CBX3: variants seen among roughly 807,000 people sequenced by gnomAD.
CBX3 encodes chromobox 3, also known as chromobox protein homolog 3.
A neutral mutation model predicts 22.6 loss-of-function variants in CBX3; 5 were observed. The ratio of observed to expected loss-of-function variants is 0.22; its 90% CI spans 0.12 to 0.47. The LOEUF (loss-of-function observed/expected upper bound fraction) is 0.47, where lower values mean the gene tolerates loss of function less well. Ranked by LOEUF, CBX3 falls within the 20% of genes least tolerant of loss-of-function variation. The pLI is 0.99. For missense variants in CBX3, 83 were observed against 208.1 expected, an observed-to-expected ratio of 0.40 and a Z score of 3.70; for synonymous variants, 50 against 66.6, an observed-to-expected ratio of 0.75 and a Z score of 1.21.
In CBX3 at chr7:26,212,582, T is replaced by TGTGTGTG. The variant is rs1554340734; in HGVS notation, c.*374_*375insGTGTGTG. 9 of 109,066 alleles carry TGTGTGTG rather than the reference T, an allele frequency of 8.3e-5. No homozygotes were observed. The highest frequency in any genetic ancestry group is 3.1e-4 in the African/African-American group (9 of 29,108). The allele number at this position is 109,066 out of a possible 1,614,324, so 6.8% of individuals were successfully genotyped here. A position where few individuals can be genotyped will look rare whatever the true frequency, so the allele number is the denominator to read the frequency against. ...CCATTCTAGATTTATTACGTGTTTT[T>TGTGTGTG]TGTGTGTGTGTGTGTGTGTGTGTGT... is the stretch of plus-strand genomic sequence containing the variant. On this transcript the variant is annotated 3_prime_UTR_variant, in exon 6 of 6. Transcript: ENST00000396386.
In CBX3 at chr7:26,212,890, C is replaced by T. The variant is rs1049601389; in HGVS notation, c.*682C>T. The T allele has an allele frequency of 6.6e-6, 1 of 152,280 alleles. No individual in the cohort carries two copies. The highest frequency in any genetic ancestry group is 2.4e-5 in the African/African-American group (1 of 41,468). 9.4% of individuals were successfully genotyped at this position (152,280 alleles called of 1,614,324 possible). A position where few individuals can be genotyped will look rare whatever the true frequency, so the allele number is the denominator to read the frequency against. The stretch of plus-strand genomic sequence containing the variant: ...AGGAAAAATTTTATCACTGCCATCA[C>T]AGCAGGTTTCCTCATCCAGATGAGG... On this transcript the variant is annotated 3_prime_UTR_variant, in exon 6 of 6. Coordinates refer to ENST00000396386, the MANE Select transcript of CBX3 (RefSeq NM_016587.4).
rs1177036941 is a variant in CBX3 at position 26,212,901 on chromosome 7, C to A, written c.*693C>A. 13 of 152,272 alleles carry A rather than the reference C, an allele frequency of 8.5e-5. No individual in the cohort carries two copies. Among genetic ancestry groups the A allele is most frequent in the African/African-American group, 2.9e-4 (12 of 41,464 alleles). The allele number at this position is 152,272 out of a possible 1,614,324, so 9.4% of individuals were successfully genotyped here. A position where few individuals can be genotyped will look rare whatever the true frequency, so the allele number is the denominator to read the frequency against. On this transcript the variant is annotated 3_prime_UTR_variant, in exon 6 of 6. Coordinates refer to ENST00000396386, the MANE Select transcript of CBX3 (RefSeq NM_016587.4). The stretch of plus-strand genomic sequence containing the variant: ...TATCACTGCCATCACAGCAGGTTTC[C>A]TCATCCAGATGAGGAAACTAGACAA...
chr7:26,207,958 TC>T (rs1784717760), intron 3 of CBX3, among the ~76,000 whole-genome samples: 1 of 151,092 alleles, frequency 6.6e-6, no homozygotes, highest in East Asian at 2.0e-4. Context: ...CACCTGTAAT[TC>T]CAGCACTTTG....
At position 26,213,410 on chromosome 7, in the gene CBX3, C is replaced by T. The variant is rs1001313421; in HGVS notation, c.*1202C>T. The T allele has an allele frequency of 4.7e-5, 7 of 150,096 alleles. No individual in the cohort carries two copies. The highest frequency in any genetic ancestry group is 1.5e-4 in the African/African-American group (6 of 40,812). The allele number at this position is 150,096 out of a possible 1,614,324, so 9.3% of individuals were successfully genotyped here. A position where few individuals can be genotyped will look rare whatever the true frequency, so the allele number is the denominator to read the frequency against. On this transcript the variant is annotated 3_prime_UTR_variant, in exon 6 of 6. Coordinates refer to ENST00000396386, the MANE Select transcript of CBX3 (RefSeq NM_016587.4). ...GCCTTTACAGTAGAAATAGAAATGC[C>T]CACACTCATTGGATTATCTTTGTTT...
chr7:26,208,148 G>A (rs1006154455), intron 3 of CBX3: 1 of 287,330 alleles, frequency 3.5e-6, no homozygotes, highest in South Asian at 1.0e-4. Context: ...GCTTGAGTCG[G>A]GAGTTGGAAT....
chr7:26,202,412 C>G (rs996667808), intron 1 of CBX3: 2 of 152,480 alleles, frequency 1.3e-5, no homozygotes, highest in Admixed American at 6.5e-5. Context: ...GGCCTCTGGA[C>G]GCCGGGCTTC....
chr7:26,208,449 C>A lies in CBX3; in HGVS notation c.224C>A (p.Ala75Glu), dbSNP rs776140361. The A allele has an allele frequency of 6.2e-7, 1 of 1,612,962 alleles. No individual in the cohort carries two copies. The highest frequency in any genetic ancestry group is 1.7e-5 in the Admixed American group (1 of 59,974). Residue 75 changes from alanine to glutamate, a missense_variant, in exon 4 of 6, where the codon GCG becomes GAG. By Grantham distance (107) the Ala-to-Glu change is moderately radical. Around this residue, in one of 3 missense-constraint regions of CBX3, gnomAD observed 59 missense variants for 155.0 expected, o/e 0.38. Coordinates refer to ENST00000396386, the MANE Select transcript of CBX3 (RefSeq NM_016587.4). The part of the protein sequence containing the change: ...ENLDCPELIE[A>E]FLNSQKAGKE... ...TTAGATTGTCCAGAATTGATTGAAG[C>A]GTTTCTTAACTCTCAGAAAGCTGGC...
chr7:26,202,760 C>G (rs1026933987), intron 1 of CBX3: 2 of 520,782 alleles, frequency 3.8e-6, no homozygotes, highest in African/African-American at 4.0e-5. Flanking sequence ...GTACCAGGAT[C>G]CCCAGTAAAG....
intron 4 of CBX3, chr7:26,209,899 C>T (rs1260252621): frequency 6.6e-6 from 1 of 152,130 alleles, no homozygotes; most frequent in Non-Finnish European, 1.5e-5. Context: ...ACCTTCAAGA[C>T]AACTCTGTAT....
chr7:26,211,097 AAT>A (rs1161104978), intron 4 of CBX3, among the ~76,000 whole-genome samples: 2 of 151,974 alleles, frequency 1.3e-5, no homozygotes, highest in African/African-American at 4.8e-5. Context: ...AAAAAAAAAA[AAT>A]CGCAAGAAAG....
At chr7:26,205,085 G>A (rs539709153) in intron 2 of CBX3, among the ~76,000 whole-genome samples, 12 of 152,148 alleles carry the variant, frequency 7.9e-5, no homozygotes, top group South Asian at 2.1e-4. Context: ...CACTGCCCCC[G>A]GCAATAGCAT....
intron 1 of CBX3, chr7:26,202,716 G>A (rs1162451247): frequency 2.2e-6 from 1 of 450,706 alleles, no homozygotes; most frequent in Non-Finnish European, 3.9e-6. Flanking sequence ...AAAGACATTG[G>A]TCCCCTATTT....
chr7:26,209,250 A>G (rs963054440), intron 4 of CBX3, among the ~76,000 whole-genome samples: 1 of 152,124 alleles, frequency 6.6e-6, no homozygotes, highest in Admixed American at 6.5e-5. Flanking sequence ...TACTTTTATA[A>G]AAGGCCTCTT....
chr7:26,203,673 A>G (rs1219014458), intron 2 of CBX3, among the ~76,000 whole-genome samples: 2 of 152,314 alleles, frequency 1.3e-5, no homozygotes, highest in East Asian at 3.9e-4. Flanking sequence ...ATATTCACAT[A>G]AAAATCATGA....
Position 26,204,866 on chromosome 7 carries a change from C to T in CBX3, c.25-1502C>T, listed in dbSNP as rs143604069. 1.5e-4 allele frequency among the ~76,000 whole-genome samples: 23 copies of T among 152,100 alleles called. No homozygotes were observed. The East Asian group carries it at 4.3e-3, about 28-fold the overall frequency. On this transcript the variant is annotated intron_variant, in intron 2 of 5. Transcript: ENST00000396386. ...GTGCAATGGCGTGATCTTGGCTCACCGCAACTTAAGCCTCCTGGGTTCAAG... is the reference window on the plus strand; with the variant it reads ...GTGCAATGGCGTGATCTTGGCTCACTGCAACTTAAGCCTCCTGGGTTCAAG...
intron 2 of CBX3, among the ~76,000 whole-genome samples, chr7:26,205,209 C>T (rs1177840502): frequency 6.6e-6 from 1 of 152,058 alleles, no homozygotes; most frequent in Non-Finnish European, 1.5e-5. Flanking sequence ...AAATTTTCCC[C>T]ATTTTTAGTC....
chr7:26,204,745 T>C (rs2391265), intron 2 of CBX3, among the ~76,000 whole-genome samples: 36,526 of 152,066 alleles, frequency 0.24, 6,865 homozygotes, highest in East Asian at 0.53. Context: ...GCTTTAATGA[T>C]TGAGCAATTA....
chr7:26,203,585 G>A (rs780595654), intron 2 of CBX3, among the ~76,000 whole-genome samples: 3 of 152,078 alleles, frequency 2.0e-5, no homozygotes, highest in Admixed American at 6.5e-5. Flanking sequence ...GCAAATATGA[G>A]CCAGAAGGGA....
intron 4 of CBX3, among the ~76,000 whole-genome samples, chr7:26,211,309 T>C (rs1046999667): frequency 6.6e-6 from 1 of 152,206 alleles, no homozygotes; most frequent in Non-Finnish European, 1.5e-5. Flanking sequence ...TTCAGACTAA[T>C]TCCTGGAAGT....
Sources: gnomAD v4.1 joint callset for allele counts (sites outside exome capture counted in the v4.1 genomes callset) on GRCh38, gnomAD v4.1.1 for gene constraint, gnomAD v4.1.1 regional missense constraint, MANE v1.5 for transcripts, NCBI Gene and HGNC (gene_info 2026-07-23, HGNC 2026-07-21) for gene names.